The following DLG2 variants were observed in gnomAD, a reference collection of about 807,000 sequenced individuals.
DLG2 encodes discs large MAGUK scaffold protein 2, also known as disks large homolog 2.
A neutral mutation model predicts 132.5 loss-of-function variants in DLG2; 45 were observed. The ratio of observed to expected loss-of-function variants is 0.34; its 90% CI spans 0.27 to 0.44. The LOEUF (loss-of-function observed/expected upper bound fraction) is 0.44. DLG2 is among the 20% of genes least tolerant of loss of function. DLG2 has a pLI of 1.00. For synonymous variants in DLG2, 424 were observed against 419.6 expected (o/e 1.01, Z -0.13); for missense variants, 1,045 against 1,196.9 (o/e 0.87, Z 1.87).
At chr11:84,858,681 A>G (rs1482413860) in intron 6 of DLG2, among the ~76,000 whole-genome samples, 2 of 152,106 alleles carry the variant, frequency 1.3e-5, no homozygotes, top group African/African-American at 4.8e-5. Flanking sequence ...GTACTCAATT[A>G]CTTGAGACAA....
intron 11 of DLG2, among the ~76,000 whole-genome samples, chr11:84,007,712 T>C (rs911708532): frequency 6.6e-6 from 1 of 151,732 alleles, no homozygotes; most frequent in Admixed American, 6.6e-5. Context: ...ACAAGCACCA[T>C]GTGGAATAGG....
chr11:84,951,348 C>T (rs1052968887), intron 6 of DLG2, among the ~76,000 whole-genome samples: 13 of 152,038 alleles, frequency 8.6e-5, no homozygotes, highest in Admixed American at 3.3e-4. Flanking sequence ...ATGAACTTCA[C>T]AATTGAGAGA....
intron 6 of DLG2, among the ~76,000 whole-genome samples, chr11:84,571,244 C>CT (rs2099483242): frequency 6.6e-6 from 1 of 152,184 alleles, no homozygotes; most frequent in African/African-American, 2.4e-5. Flanking sequence ...TCTTTCTCTT[C>CT]TTTTTTCCCA....
chr11:84,098,674 T>G (rs7950555), intron 10 of DLG2, among the ~76,000 whole-genome samples: 2,504 of 152,270 alleles, frequency 0.016, 68 homozygotes, highest in African/African-American at 0.058. Flanking sequence ...AACAAAAGAT[T>G]TATCTTCATC....
chr11:84,806,366 G>C (rs893667036), intron 6 of DLG2, among the ~76,000 whole-genome samples: 3 of 152,132 alleles, frequency 2.0e-5, no homozygotes, highest in Non-Finnish European at 1.5e-5. Context: ...AAAGAAATCT[G>C]TGCAGGCAAT....
At chr11:84,960,746 T>C (rs2052436340) in intron 6 of DLG2, among the ~76,000 whole-genome samples, 3 of 152,200 alleles carry the variant, frequency 2.0e-5, no homozygotes, top group African/African-American at 7.2e-5. Context: ...TCATCCATTA[T>C]CTTTTCTTTT....
At chr11:84,396,487 G>A (rs1405051208) in intron 7 of DLG2, among the ~76,000 whole-genome samples, 1 of 152,088 alleles carries the variant, frequency 6.6e-6, no homozygotes, top group Non-Finnish European at 1.5e-5. Context: ...TTCGTGCATG[G>A]GCACTGAATG....
intron 4 of DLG2, among the ~76,000 whole-genome samples, chr11:85,240,993 A>G (rs1247645388): frequency 6.6e-6 from 1 of 151,772 alleles, no homozygotes; most frequent in African/African-American, 2.4e-5. Context: ...AAATAAAGAT[A>G]CATTTGGAGA....
At chr11:85,028,471 T>C (rs986280342) in intron 6 of DLG2, among the ~76,000 whole-genome samples, 1 of 152,096 alleles carries the variant, frequency 6.6e-6, no homozygotes, top group Non-Finnish European at 1.5e-5. Flanking sequence ...CTGCCACCAT[T>C]GATCATGTCG....
At chr11:84,452,101 T>C (rs2099053151) in intron 7 of DLG2, among the ~76,000 whole-genome samples, 1 of 124,536 alleles carries the variant, frequency 8.0e-6, no homozygotes. Flanking sequence ...TTAAATAAAC[T>C]GAAAGGTTAA....
intron 7 of DLG2, among the ~76,000 whole-genome samples, chr11:84,515,637 T>G (rs1362153200): frequency 2.0e-5 from 3 of 151,800 alleles, no homozygotes. Context: ...TTAATAATAG[T>G]AGGAGACTTT....
intron 22 of DLG2, among the ~76,000 whole-genome samples, chr11:83,476,885 A>G (rs1169263544): frequency 6.6e-6 from 1 of 152,144 alleles, no homozygotes; most frequent in African/African-American, 2.4e-5. Flanking sequence ...AATAGATGTA[A>G]TGAAAAACTG....
At chr11:85,418,035 G>A (rs1392542606) in intron 3 of DLG2, among the ~76,000 whole-genome samples, 1 of 152,128 alleles carries the variant, frequency 6.6e-6, no homozygotes, top group Non-Finnish European at 1.5e-5. Flanking sequence ...ATGTTAGGGT[G>A]TCGATTTTAG....
chr11:85,489,674 T>C (rs141712672), intron 3 of DLG2, among the ~76,000 whole-genome samples: 1 of 152,272 alleles, frequency 6.6e-6, no homozygotes, highest in Non-Finnish European at 1.5e-5. Context: ...TCAACAAATG[T>C]TTAAAAATCA....
chr11:84,375,486 CTTAAT>C (rs1567456807), intron 7 of DLG2, among the ~76,000 whole-genome samples: 1 of 151,902 alleles, frequency 6.6e-6, no homozygotes, highest in African/African-American at 2.4e-5. Flanking sequence ...TTTTTTATAC[CTTAAT>C]TTATCTTCTA....
chr11:84,398,983 G>A (rs1375465884), intron 7 of DLG2, among the ~76,000 whole-genome samples: 3 of 152,112 alleles, frequency 2.0e-5, no homozygotes, highest in Non-Finnish European at 2.9e-5. Flanking sequence ...CTCAGTTATA[G>A]CTTTATATTT....
intron 18 of DLG2, among the ~76,000 whole-genome samples, chr11:83,707,904 T>C (rs1335380322): frequency 6.6e-6 from 1 of 152,182 alleles, no homozygotes; most frequent in Non-Finnish European, 1.5e-5. Flanking sequence ...AACGTGCAGC[T>C]TCTGTCATAT....
chr11:83,871,450 A>G (rs911043001), intron 16 of DLG2, among the ~76,000 whole-genome samples: 3 of 152,222 alleles, frequency 2.0e-5, no homozygotes, highest in African/African-American at 7.2e-5. Context: ...ATGGCCTTTT[A>G]AACTACATTC....
chr11:84,400,420 A>C (rs979408551), intron 7 of DLG2, among the ~76,000 whole-genome samples: 3 of 152,168 alleles, frequency 2.0e-5, no homozygotes, highest in Non-Finnish European at 2.9e-5. Context: ...TAAACCTAAG[A>C]CTGGAAGTAA....
Sources: gnomAD v4.1 joint callset for allele counts (sites outside exome capture counted in the v4.1 genomes callset) on GRCh38, gnomAD v4.1.1 for gene constraint, MANE v1.5 for transcripts, NCBI Gene and HGNC (gene_info 2026-07-23, HGNC 2026-07-21) for gene names.